GON4L: variants seen among roughly 807,000 people sequenced by gnomAD.
The protein encoded by GON4L is gon-4 like.
Under a neutral mutation model 211.8 loss-of-function variants are expected in GON4L, and 87 were observed. The ratio of observed to expected loss-of-function variants is 0.41; its 90% CI spans 0.35 to 0.49. The LOEUF is 0.49. Among genes scored for constraint, GON4L ranks in the 20% least tolerant of loss-of-function variants. The probability of loss-of-function intolerance (pLI) is 0.15; values close to 1 mark genes in which losing one functional copy is unlikely to be tolerated. For synonymous variants in GON4L, 875 were observed against 962.6 expected, an observed-to-expected ratio of 0.91 and a Z score of 1.68; for missense variants, 2,155 against 2,659.5, an observed-to-expected ratio of 0.81 and a Z score of 4.17.
chr1:155,830,249 C>T (rs965995756), intron 2 of GON4L, among the ~76,000 whole-genome samples: 4 of 150,404 alleles, frequency 2.7e-5, no homozygotes, highest in African/African-American at 9.8e-5. Flanking sequence ...GCACCCAGCC[C>T]TGCAGGGACA....
chr1:155,809,614 C>CTT (rs1371288215), intron 10 of GON4L, among the ~76,000 whole-genome samples: 2 of 103,572 alleles, frequency 1.9e-5, no homozygotes, highest in Non-Finnish European at 3.6e-5. Flanking sequence ...AAATTATATA[C>CTT]TTATATATAC....
At chr1:155,825,787 A>G (rs1669150013) in intron 3 of GON4L, among the ~76,000 whole-genome samples, 1 of 151,862 alleles carries the variant, frequency 6.6e-6, no homozygotes, top group Non-Finnish European at 1.5e-5. Flanking sequence ...TCATGCCTGT[A>G]ATCCCAGCAC....
intron 27 of GON4L, chr1:155,756,461 CT>C: frequency 6.5e-6 from 1 of 154,756 alleles, no homozygotes; most frequent in Admixed American, 6.4e-5. Flanking sequence ...CCCAAAGGCT[CT>C]GCATGTCTGT....
At chr1:155,851,251 G>C (rs935941095) in intron 2 of GON4L, among the ~76,000 whole-genome samples, 2 of 151,938 alleles carry the variant, frequency 1.3e-5, no homozygotes, top group Non-Finnish European at 2.9e-5. Flanking sequence ...CTACTCGGGA[G>C]GCTGAGGCAG....
rs1204056592 is a variant in GON4L, at chr1:155,757,524, A to G, written c.5254-201T>C. Among the ~76,000 whole-genome samples the G allele has an allele frequency of 1.3e-4, 20 of 152,060 alleles. No individual in the cohort carries two copies. The East Asian group carries it at 3.3e-3, about 25-fold the overall frequency. On this transcript the variant is annotated intron_variant, in intron 25 of 31. Transcript: ENST00000368331. Reference sequence around the variant, plus strand: ...GGGAAGGGTACTAATACTGGATTTGATTCCTAATGATTCCACTCTCCACTC... The same window carrying G: ...GGGAAGGGTACTAATACTGGATTTGGTTCCTAATGATTCCACTCTCCACTC...
intron 1 of GON4L, 152 bp from the exon 2 acceptor site, chr1:155,853,958 G>T: frequency 1.6e-6 from 1 of 633,824 alleles, no homozygotes; most frequent in Non-Finnish European, 2.8e-6. Flanking sequence ...AGAGACAGTG[G>T]TTAAGTGACT....
chr1:155,811,532 G>A (rs1667772130), intron 10 of GON4L, among the ~76,000 whole-genome samples: 1 of 151,290 alleles, frequency 6.6e-6, no homozygotes, highest in Non-Finnish European at 1.5e-5. Flanking sequence ...AAGGTGGGCA[G>A]ATCACTTGAG....
chr1:155,753,140 TC>T, intron 29 of GON4L, 63 bp downstream of exon 29: 1 of 1,248,702 alleles, frequency 8.0e-7, no homozygotes, highest in South Asian at 1.2e-5. Context: ...TCATGGAGGT[TC>T]CTGTCTGGAG....
intron 1 of GON4L, among the ~76,000 whole-genome samples, chr1:155,854,082 C>A (rs1157699262): frequency 6.7e-6 from 1 of 149,140 alleles, no homozygotes; most frequent in Non-Finnish European, 1.5e-5. Flanking sequence ...ATTGCTCTTA[C>A]TTCATAGAAT....
chr1:155,851,712 T>G (rs1281953328), intron 2 of GON4L, among the ~76,000 whole-genome samples: 1 of 147,392 alleles, frequency 6.8e-6, no homozygotes, highest in Non-Finnish European at 1.5e-5. Flanking sequence ...CGAGACTCCG[T>G]ATCAAAAAAA....
chr1:155,759,417 C>T (rs956446884), intron 24 of GON4L, among the ~76,000 whole-genome samples: 2 of 151,978 alleles, frequency 1.3e-5, no homozygotes. Context: ...ACTAAAAATA[C>T]AAAATTAGCC....
intron 10 of GON4L, among the ~76,000 whole-genome samples, chr1:155,811,391 CA>C (rs777417019): frequency 5.1e-4 from 17 of 33,170 alleles, no homozygotes; most frequent in African/African-American, 2.1e-3. Flanking sequence ...GACTCCGTCT[CA>C]AAAAAAAAAA....
chr1:155,748,760 G>A (rs559009303), downstream of GON4L: 3 of 1,614,094 alleles, frequency 1.9e-6, no homozygotes, highest in Non-Finnish European at 1.7e-6. Context: ...CAGTGGTGCT[G>A]AGGGTATAGA....
chr1:155,748,649 C>A, downstream of GON4L: 1 of 1,613,320 alleles, frequency 6.2e-7, no homozygotes, highest in Non-Finnish European at 8.5e-7. Flanking sequence ...TGGCTCCAGG[C>A]CAGTCCCTTC....
At chr1:155,759,156 C>G (rs927303470) in intron 24 of GON4L, among the ~76,000 whole-genome samples, 1 of 151,790 alleles carries the variant, frequency 6.6e-6, no homozygotes, top group Non-Finnish European at 1.5e-5. Flanking sequence ...ACCACCACAC[C>G]CAGTTAGTTA....
At chr1:155,825,126 G>A (rs962083657) in intron 3 of GON4L, among the ~76,000 whole-genome samples, 5 of 151,590 alleles carry the variant, frequency 3.3e-5, no homozygotes, top group Admixed American at 6.6e-5. Context: ...TCATGGCACT[G>A]AACTTCCAGC....
chr1:155,746,538 T>C, downstream of GON4L: 1 of 418,166 alleles, frequency 2.4e-6, no homozygotes. Context: ...CAGCAGGTTG[T>C]CAGGTGATCA....
intron 11 of GON4L, among the ~76,000 whole-genome samples, chr1:155,798,954 CTGA>C (rs1413836459): frequency 6.6e-6 from 1 of 152,066 alleles, no homozygotes; most frequent in Admixed American, 6.6e-5. Context: ...TTTTAGTACC[CTGA>C]TTGTGGAATA....
At chr1:155,797,011 G>C (rs564453921) in intron 11 of GON4L, among the ~76,000 whole-genome samples, 1 of 152,056 alleles carries the variant, frequency 6.6e-6, no homozygotes, top group Non-Finnish European at 1.5e-5. Flanking sequence ...AAAAATTCTT[G>C]TTTGAGATAA....
Sources: gnomAD v4.1 joint callset for allele counts (sites outside exome capture counted in the v4.1 genomes callset) on GRCh38, gnomAD v4.1.1 for gene constraint, MANE v1.5 for transcripts, NCBI Gene and HGNC (gene_info 2026-07-23, HGNC 2026-07-21) for gene names.